Variants in EML5 observed in about 807,000 individuals in gnomAD.
The protein encoded by EML5 is echinoderm microtubule-associated protein-like 5.
EML5 carries 120 observed loss-of-function variants against 250.0 expected under a neutral mutation model. The observed-to-expected ratio is 0.48, with a 90% CI of 0.41 to 0.56. The LOEUF is 0.56. EML5 is among the 20% of genes least tolerant of loss of function. The probability of loss-of-function intolerance (pLI) is 0.00; values close to 1 mark genes in which losing one functional copy is unlikely to be tolerated. For missense variants in EML5, 2,006 were observed against 2,437.6 expected, an observed-to-expected ratio of 0.82 and a Z score of 3.73; for synonymous variants, 771 against 806.5, an observed-to-expected ratio of 0.96 and a Z score of 0.75.
chr14:88,745,167 T>TTGTTTGTGTGTGTGTGTGTGTG (rs148282706), intron 3 of EML5, among the ~76,000 whole-genome samples: 18 of 145,190 alleles, frequency 1.2e-4, no homozygotes, highest in African/African-American at 2.8e-4. Flanking sequence ...AATTGTGTGT[T>TTGTTTGTGTGTGTGTGTGTGTG]TGTGTGTGTG....
At chr14:88,655,796 T>C (rs1448180813) in intron 27 of EML5, among the ~76,000 whole-genome samples, 3 of 151,510 alleles carry the variant, frequency 2.0e-5, no homozygotes, top group Non-Finnish European at 4.4e-5. Context: ...AACAACCCCA[T>C]CAAAAAGCTA....
intron 1 of EML5, among the ~76,000 whole-genome samples, chr14:88,762,265 C>T (rs1375544167): frequency 2.0e-5 from 3 of 152,122 alleles, no homozygotes; most frequent in East Asian, 1.9e-4. Flanking sequence ...AATCCCAGCA[C>T]TTTGGGAGGC....
At chr14:88,762,377 G>A (rs1485933855) in intron 1 of EML5, among the ~76,000 whole-genome samples, 1 of 152,076 alleles carries the variant, frequency 6.6e-6, no homozygotes, top group East Asian at 1.9e-4. Context: ...GGTTGTGGTG[G>A]CACATGCCTG....
intron 21 of EML5, among the ~76,000 whole-genome samples, chr14:88,667,718 G>C (rs946665899): frequency 2.6e-5 from 4 of 152,160 alleles, no homozygotes; most frequent in Admixed American, 6.5e-5. Flanking sequence ...AACAGAGCCC[G>C]GGCACTGGCA....
chr14:88,685,048 C>A lies in EML5; in HGVS notation c.2949G>T (p.Val983=), dbSNP rs17204164. Residue 983 remains valine, a synonymous_variant, in exon 20 of 44, where the codon GTG becomes GTT. Transcript: ENST00000554922. ...VGTKNGEILE[V]DKSGPITLLV... is the part of the protein sequence containing the mutation. ...GAAGTGTTATTGGGCCACTTTTATC[C>A]ACTTCTAGTATTTCACCATTCTTTG... 0.071 allele frequency: 114,555 copies of A among 1,607,654 alleles called. 4,707 individuals carry two copies. The highest frequency in any genetic ancestry group is 0.083 in the Non-Finnish European group (97,690 of 1,176,614).
chr14:88,699,837 A>T (rs1178601059), intron 14 of EML5, among the ~76,000 whole-genome samples: 1 of 152,174 alleles, frequency 6.6e-6, no homozygotes, highest in Non-Finnish European at 1.5e-5. Context: ...GGAAACACGA[A>T]ACGATGAACA....
Position 88,688,363 on chromosome 14 carries a change from T to C in EML5, c.2650A>G (p.Thr884Ala), listed in dbSNP as rs763112458. ...TCTCTCCAGATACACACATCTCCTG[T>C]GGATGTTCCAGAAAAAGCCATCTCT... ...TEEMAFSGTS[T>A]GDVCIWRDIF... Residue 884 changes from threonine to alanine, a missense_variant, in exon 18 of 44, where the codon ACA (threonine) becomes GCA (alanine). This residue lies in a region of EML5 where 1,375 missense variants were observed against 1,590.3 expected (regional missense o/e 0.86). Transcript: ENST00000554922. The C allele has an allele frequency of 1.2e-6, 2 of 1,614,018 alleles. No homozygotes were observed. Among genetic ancestry groups the C allele is most frequent in the Admixed American group, 1.7e-5 (1 of 60,026 alleles).
intron 8 of EML5, among the ~76,000 whole-genome samples, chr14:88,722,254 C>T (rs1045831211): frequency 6.6e-6 from 1 of 152,124 alleles, no homozygotes; most frequent in African/African-American, 2.4e-5. Flanking sequence ...CCCAGCAATC[C>T]CATTACTGGG....
Position 88,618,132 on chromosome 14 carries a change from C to T in EML5, c.5642+96G>A, listed in dbSNP as rs1378868494. On this transcript the variant is annotated intron_variant, in intron 41 of 43. Transcript: ENST00000554922. ...GTAACAAAAACTTGAAACTCAATTA[C>T]TATTCCTTATTGGAATGGCTCTAAC... is the stretch of plus-strand genomic sequence containing the variant. 4 of 967,876 alleles carry T rather than the reference C, an allele frequency of 4.1e-6. No individual in the cohort carries two copies. The East Asian group carries it at 7.7e-5, about 19-fold the overall frequency. 60.0% of individuals were successfully genotyped at this position (967,876 alleles called of 1,614,324 possible).
chr14:88,787,167 C>T (rs76240368), intron 1 of EML5, among the ~76,000 whole-genome samples: 2,020 of 152,302 alleles, frequency 0.013, 20 homozygotes, highest in Non-Finnish European at 0.019. Context: ...TCCCTATTGT[C>T]CTCAAAGACT....
intron 7 of EML5, among the ~76,000 whole-genome samples, chr14:88,730,882 G>A (rs747277591): frequency 1.3e-5 from 2 of 152,094 alleles, no homozygotes; most frequent in Non-Finnish European, 2.9e-5. Context: ...AACGTAAGGG[G>A]TTTAAAGCCT....
At chr14:88,643,895 G>A (rs188783266) in intron 30 of EML5, among the ~76,000 whole-genome samples, 202 of 152,266 alleles carry the variant, frequency 1.3e-3, no homozygotes, top group African/African-American at 4.4e-3. Context: ...CCTTGTTTAC[G>A]TTTGATTTAG....
chr14:88,726,693 T>A lies in EML5; in HGVS notation c.1050-15A>T. 6.6e-7 allele frequency: 1 copy of A among 1,510,996 alleles called. No homozygotes were observed. Among genetic ancestry groups the A allele is most frequent in the Admixed American group, 2.3e-5 (1 of 44,408 alleles). The allele number at this position is 1,510,996 out of a possible 1,614,324, so 93.6% of individuals were successfully genotyped here. Reference sequence around the variant, plus strand: ...GGCTCCATATCCTGTAAAATTTAATTTAAAAAATAAAAAAGGTTAGCTAAT... The same window carrying A: ...GGCTCCATATCCTGTAAAATTTAATATAAAAAATAAAAAAGGTTAGCTAAT... On this transcript the variant is annotated splice_polypyrimidine_tract_variant and intron_variant, in intron 7 of 43. Coordinates refer to ENST00000554922, the MANE Select transcript of EML5 (RefSeq NM_183387.3).
At chr14:88,633,561 A>G (rs2090555999) in intron 33 of EML5, among the ~76,000 whole-genome samples, 1 of 152,220 alleles carries the variant, frequency 6.6e-6, no homozygotes, top group Non-Finnish European at 1.5e-5. Flanking sequence ...ACAAGAGATA[A>G]CAGATAGTGC....
At chr14:88,786,667 C>A (rs954434141) in intron 1 of EML5, among the ~76,000 whole-genome samples, 7 of 152,150 alleles carry the variant, frequency 4.6e-5, no homozygotes, top group Non-Finnish European at 8.8e-5. Flanking sequence ...GTTTCCCCCA[C>A]ACTGTTCTCA....
chr14:88,726,507 A>C lies in EML5; in HGVS notation c.1187+34T>G, dbSNP rs780374014. The C allele has an allele frequency of 3.9e-6, 6 of 1,555,732 alleles. No homozygotes were observed. In the South Asian group the frequency reaches 7.5e-5, roughly 19 times the overall value. ...ACTTATATTCTGTATCACTGAAGAT[A>C]AAATTATTATGTGTTTCTACCCTAA... is the stretch of plus-strand genomic sequence containing the variant. On this transcript the variant is annotated intron_variant, in intron 8 of 43. Transcript: ENST00000554922.
intron 1 of EML5, among the ~76,000 whole-genome samples, chr14:88,786,238 T>C (rs1330656105): frequency 6.6e-6 from 1 of 152,214 alleles, no homozygotes; most frequent in Non-Finnish European, 1.5e-5. Flanking sequence ...CAATAGTTTC[T>C]ATCGCATTTT....
At chr14:88,650,731 T>C (rs1037863769) in intron 27 of EML5, among the ~76,000 whole-genome samples, 8 of 152,194 alleles carry the variant, frequency 5.3e-5, no homozygotes, top group African/African-American at 1.4e-4. Context: ...CTCCAACTCC[T>C]GGGCTGAAGC....
At chr14:88,749,238 G>T (rs2094054216) in intron 2 of EML5, among the ~76,000 whole-genome samples, 1 of 152,162 alleles carries the variant, frequency 6.6e-6, no homozygotes, top group Non-Finnish European at 1.5e-5. Flanking sequence ...AATTATCCTA[G>T]ACTGCTCATC....
Sources: gnomAD v4.1 joint callset for allele counts (sites outside exome capture counted in the v4.1 genomes callset) on GRCh38, gnomAD v4.1.1 for gene constraint, gnomAD v4.1.1 regional missense constraint, MANE v1.5 for transcripts, NCBI Gene and HGNC (gene_info 2026-07-23, HGNC 2026-07-21) for gene names.